Variants in PGM2 observed in about 807,000 individuals in gnomAD.
The protein encoded by PGM2 is phosphoglucomutase 2.
PGM2 carries 57 observed loss-of-function variants against 74.6 expected under a neutral mutation model. The observed-to-expected ratio is 0.76, with a 90% CI of 0.62 to 0.95. PGM2 has a LOEUF of 0.95. Among genes scored for constraint, PGM2 ranks in the 40% least tolerant of loss-of-function variants. The probability of loss-of-function intolerance (pLI) is 0.00; values close to 1 mark genes in which losing one functional copy is unlikely to be tolerated. For synonymous variants in PGM2, 273 were observed against 260.7 expected (o/e 1.05, Z -0.46); for missense variants, 706 against 741.9 (o/e 0.95, Z 0.56).
In PGM2 at chr4:37,844,395, G is replaced by C. The variant is rs1725808947; in HGVS notation, c.751G>C (p.Val251Leu). 1 of 1,612,084 alleles carries C rather than the reference G, an allele frequency of 6.2e-7. No individual in the cohort carries two copies. Among genetic ancestry groups the C allele is most frequent in the East Asian group, 2.2e-5 (1 of 44,854 alleles). Residue 251 changes from valine (V) to leucine (L), a missense_variant, in exon 7 of 14, where the codon GTG (valine) becomes CTG (leucine). Around this residue, in one of 3 missense-constraint regions of PGM2, gnomAD observed 332 missense variants for 334.9 expected, o/e 0.99. Transcript: ENST00000381967. Reference protein sequence around the residue: ...SVNRETKVKFVHTSVHGVGHS... With the variant: ...SVNRETKVKFLHTSVHGVGHS... ...GAACAGGGAGACAAAGGTGAAGTTT[G>C]TGCACACCTCTGTCCATGGGGTGGG... is the stretch of plus-strand genomic sequence containing the variant.
At chr4:37,837,460 C>T (rs1463485425) in intron 3 of PGM2, 69 bp from the exon 4 acceptor site, 3 of 901,396 alleles carry the variant, frequency 3.3e-6, no homozygotes, top group Non-Finnish European at 5.7e-6. Context: ...CATTCATTTC[C>T]TTCTTTCCAT....
chr4:37,827,184 G>A (rs948440443), intron 1 of PGM2, among the ~76,000 whole-genome samples: 1 of 152,240 alleles, frequency 6.6e-6, no homozygotes, highest in African/African-American at 2.4e-5. Flanking sequence ...GTAGTCGGCT[G>A]TGCATCCCCA....
intron 6 of PGM2, among the ~76,000 whole-genome samples, chr4:37,844,042 C>G (rs2152178017): frequency 6.6e-6 from 1 of 152,218 alleles, no homozygotes; most frequent in Admixed American, 6.5e-5. Flanking sequence ...GGCTGTAGCA[C>G]TGTCAGGGCA....
Position 37,831,131 on chromosome 4 carries a change from C to T in PGM2, c.249+1000C>T, listed in dbSNP as rs139461771. On this transcript the variant is annotated intron_variant, in intron 2 of 13. Transcript: ENST00000381967. ...ATTGTTTGAACCCGGAAGGCAAGGT[C>T]GTAGTGAGCCGACATTGTGCCACTG... is the stretch of plus-strand genomic sequence containing the variant. Among the ~76,000 whole-genome samples, 213 of 139,400 alleles carry T rather than the reference C, an allele frequency of 1.5e-3. 1 individual carries two copies. The highest frequency in any genetic ancestry group is 0.012 in the Middle Eastern group (3 of 254). The allele number at this position is 139,400 out of a possible 152,430, so 91.5% of individuals were successfully genotyped here.
chr4:37,826,803 G>T lies in PGM2; in HGVS notation c.71G>T (p.Arg24Leu), dbSNP rs1361133654. Residue 24 changes from arginine (R) to leucine (L), a missense_variant, in exon 1 of 14, where the codon CGC becomes CTC. Physicochemically the swap from Arg to Leu is moderately radical, Grantham distance 102 (BLOSUM62 -2). Around this residue, in one of 3 missense-constraint regions of PGM2, gnomAD observed 332 missense variants for 334.9 expected, o/e 0.99. Coordinates refer to ENST00000381967, the MANE Select transcript of PGM2 (RefSeq NM_018290.4). ...RLDQETAQWL[R>L]WDKNSLTLEA... ...GACCAGGAGACCGCCCAGTGGCTGC[G>T]CTGGGACAAGGTGAGGGGCACCAGC... is the stretch of plus-strand genomic sequence containing the variant. 2.6e-6 allele frequency: 4 copies of T among 1,545,920 alleles called. No individual in the cohort carries two copies. The highest frequency in any genetic ancestry group is 1.7e-4 in the Middle Eastern group (1 of 5,832).
intron 2 of PGM2, among the ~76,000 whole-genome samples, chr4:37,833,255 A>C (rs1725481179): frequency 6.6e-6 from 1 of 152,206 alleles, no homozygotes; most frequent in South Asian, 2.1e-4. Flanking sequence ...ATCCCCTCCT[A>C]CCCAAAATAA....
At chr4:37,836,066 A>G (rs1468705200) in intron 3 of PGM2, among the ~76,000 whole-genome samples, 1 of 152,242 alleles carries the variant, frequency 6.6e-6, no homozygotes, top group Admixed American at 6.5e-5. Context: ...GTATGTGGCT[A>G]AGTCTGTCTG....
rs1401652071 is a variant in PGM2 at position 37,861,644 on chromosome 4, C to CAAAAT, written c.*32_*33insAAAAT. ...CCAGCCTTGGGTATACTTGCATTTA[C>CAAAAT]CTACAATTAAGCTGGGTTTAACTTG... On this transcript the variant is annotated 3_prime_UTR_variant, in exon 14 of 14. Transcript: ENST00000381967. The CAAAAT allele has an allele frequency of 7.4e-7, 1 of 1,351,946 alleles. No individual in the cohort carries two copies. Among genetic ancestry groups the CAAAAT allele is most frequent in the Non-Finnish European group, 1.1e-6 (1 of 941,230 alleles). 83.7% of individuals were successfully genotyped at this position (1,351,946 alleles called of 1,614,324 possible).
At chr4:37,840,824 A>G (rs1156929476) in intron 6 of PGM2, among the ~76,000 whole-genome samples, 3 of 152,294 alleles carry the variant, frequency 2.0e-5, no homozygotes, top group Middle Eastern at 3.4e-3. Flanking sequence ...TACAAAAGCC[A>G]TCATAGATGA....
chr4:37,856,168 G>A (rs1037650918), intron 13 of PGM2, among the ~76,000 whole-genome samples: 2 of 151,780 alleles, frequency 1.3e-5, no homozygotes, highest in South Asian at 2.1e-4. Flanking sequence ...GGCGGATCAC[G>A]AGGTCAGGAG....
At chr4:37,844,608 C>A in intron 7 of PGM2, 55 bp downstream of exon 7, 1 of 1,054,418 alleles carries the variant, frequency 9.5e-7, no homozygotes, top group Non-Finnish European at 1.4e-6. Flanking sequence ...AAAACTATTA[C>A]TGTCAAGTAA....
At chr4:37,837,444 A>G in intron 3 of PGM2, 85 bp from the exon 4 acceptor site, 1 of 824,600 alleles carries the variant, frequency 1.2e-6, no homozygotes, top group Non-Finnish European at 2.2e-6. Context: ...CCTAAAGAAC[A>G]TTCAGCATTC....
chr4:37,833,863 A>C (rs1444067063), intron 2 of PGM2, among the ~76,000 whole-genome samples: 1 of 152,042 alleles, frequency 6.6e-6, no homozygotes, highest in African/African-American at 2.4e-5. Flanking sequence ...GGAACTTGTC[A>C]TTTGCTTGTA....
At chr4:37,840,595 GGCT>G in intron 6 of PGM2, among the ~76,000 whole-genome samples, 1 of 152,122 alleles carries the variant, frequency 6.6e-6, no homozygotes, top group South Asian at 2.1e-4. Context: ...ATGTTGGCCA[GGCT>G]AGTCTTGAAC....
intron 8 of PGM2, among the ~76,000 whole-genome samples, chr4:37,845,971 A>G (rs181588761): frequency 4.6e-5 from 7 of 152,298 alleles, no homozygotes; most frequent in East Asian, 1.9e-4. Context: ...ATATATTTCA[A>G]ATTGAAACTC....
At chr4:37,850,419 T>A (rs1371579751) in intron 12 of PGM2, 46 bp downstream of exon 12, 1 of 1,072,926 alleles carries the variant, frequency 9.3e-7, no homozygotes, top group East Asian at 2.9e-5. Flanking sequence ...TCTATTTACC[T>A]TTTAAAATAA....
chr4:37,829,445 G>T (rs1337137692), intron 1 of PGM2, among the ~76,000 whole-genome samples: 1 of 152,128 alleles, frequency 6.6e-6, no homozygotes, highest in Non-Finnish European at 1.5e-5. Flanking sequence ...GTAAGGTTTT[G>T]ACTTAAGTTG....
Position 37,844,539 on chromosome 4 carries a change from G to T in PGM2, c.895G>T (p.Gly299Trp), listed in dbSNP as rs1463467280. Residue 299 changes from glycine to tryptophan, a missense_variant, in exon 7 of 14, where the codon GGG becomes TGG. By Grantham distance (184) the Gly-to-Trp change is radical (BLOSUM62 -2). Around this residue, in one of 3 missense-constraint regions of PGM2, gnomAD observed 359 missense variants for 371.1 expected, o/e 0.97. Coordinates refer to ENST00000381967, the MANE Select transcript of PGM2 (RefSeq NM_018290.4). The stretch of plus-strand genomic sequence containing the variant: ...AGTGAAATACCCGAATCCCGAAGAG[G>T]GGAAAGGTGTCTTGGTAACCTAATT... ...PTVKYPNPEEGKGVLTLSFAL... is the reference protein window; with the variant it reads ...PTVKYPNPEEWKGVLTLSFAL... The T allele has an allele frequency of 6.2e-7, 1 of 1,606,576 alleles. No individual in the cohort carries two copies. The highest frequency in any genetic ancestry group is 1.7e-5 in the Admixed American group (1 of 58,548).
chr4:37,858,373 G>C (rs1054236392), intron 13 of PGM2, among the ~76,000 whole-genome samples: 1 of 151,448 alleles, frequency 6.6e-6, no homozygotes, highest in Admixed American at 6.6e-5. Context: ...ATCTCTCTCT[G>C]TTGCCCAGGC....
Sources: gnomAD v4.1 joint callset for allele counts (sites outside exome capture counted in the v4.1 genomes callset) on GRCh38, gnomAD v4.1.1 for gene constraint, gnomAD v4.1.1 regional missense constraint, MANE v1.5 for transcripts, NCBI Gene and HGNC (gene_info 2026-07-23, HGNC 2026-07-21) for gene names.